TMEM268: variants seen among roughly 807,000 people sequenced by gnomAD.
The protein encoded by TMEM268 is transmembrane protein 268.
A neutral mutation model predicts 39.1 loss-of-function variants in TMEM268; 24 were observed. The ratio of observed to expected loss-of-function variants is 0.61; its 90% CI spans 0.44 to 0.86. TMEM268 has a LOEUF of 0.86. Ranked by LOEUF, TMEM268 falls within the 40% of genes least tolerant of loss-of-function variation. The pLI is 0.00. For missense variants in TMEM268, 409 were observed against 428.6 expected (o/e 0.95, Z 0.40); for synonymous variants, 176 against 173.5 (o/e 1.01, Z -0.12).
Position 114,638,662 on chromosome 9 carries a change from G to C in TMEM268, c.785G>C (p.Cys262Ser). 1 of 1,608,460 alleles carries C rather than the reference G, an allele frequency of 6.2e-7. No individual in the cohort carries two copies. Among genetic ancestry groups the C allele is most frequent in the Non-Finnish European group, 8.5e-7 (1 of 1,177,696 alleles). ...GCTCCTCTCCTGCCCGGCAATTCTT[G>C]TCCTAACGAGAGGCCACTCATGCAG... is the stretch of plus-strand genomic sequence containing the variant. ...EDAPLLPGNS[C>S]PNERPLMQTE... Residue 262 changes from cysteine to serine, a missense_variant, in exon 8 of 9, where the codon TGT (cysteine) becomes TCT (serine). Physicochemically the swap from Cys to Ser is moderately radical, Grantham distance 112. Coordinates refer to ENST00000288502, the MANE Select transcript of TMEM268 (RefSeq NM_153045.4).
At position 114,634,904 on chromosome 9, in the gene TMEM268, G is replaced by A. The variant is rs140802921; in HGVS notation, c.585+1026G>A. On this transcript the variant is annotated intron_variant, in intron 6 of 8. Coordinates refer to ENST00000288502, the MANE Select transcript of TMEM268 (RefSeq NM_153045.4). ...AAGCAGATGACATCACAAGATTCTC[G>A]GCAGTTCAAGTGTGACATTGTAGAC... Among the ~76,000 whole-genome samples, 11 of 152,240 alleles carry A rather than the reference G, an allele frequency of 7.2e-5. No homozygotes were observed. In the East Asian group the frequency reaches 1.7e-3, roughly 24 times the overall value.
At chr9:114,610,105 T>G (rs1845440630), upstream of TMEM268, among the ~76,000 whole-genome samples, 1 of 151,774 alleles carries the variant, frequency 6.6e-6, no homozygotes, top group Admixed American at 6.6e-5. Flanking sequence ...AATGGCGCAA[T>G]CTCGGCTCAC....
At chr9:114,639,415 T>C (rs1846792086) in intron 8 of TMEM268, among the ~76,000 whole-genome samples, 1 of 152,104 alleles carries the variant, frequency 6.6e-6, no homozygotes, top group African/African-American at 2.4e-5. Flanking sequence ...GCATTTCTGT[T>C]GAATTTCAGT....
At chr9:114,629,258 G>T (rs1846290347) in intron 5 of TMEM268, among the ~76,000 whole-genome samples, 1 of 152,224 alleles carries the variant, frequency 6.6e-6, no homozygotes, top group South Asian at 2.1e-4. Flanking sequence ...TTTGACATAG[G>T]TCTCACTGGA....
Position 114,632,084 on chromosome 9 carries a change from C to A in TMEM268, c.475-1684C>A, listed in dbSNP as rs960939109. 5.4e-5 allele frequency among the ~76,000 whole-genome samples: 7 copies of A among 129,964 alleles called. No individual in the cohort carries two copies. The East Asian group carries it at 1.4e-3, about 25-fold the overall frequency. The allele number at this position is 129,964 out of a possible 152,430, so 85.3% of individuals were successfully genotyped here. A position where few individuals can be genotyped will look rare whatever the true frequency, so the allele number is the denominator to read the frequency against. On this transcript the variant is annotated intron_variant, in intron 5 of 8. Transcript: ENST00000288502. ...CTGCATTCCAACCTGGGTGACAGAGCGAGACTAGGTCTCCAAAAAAAAAAA... is the reference window on the plus strand; with the variant it reads ...CTGCATTCCAACCTGGGTGACAGAGAGAGACTAGGTCTCCAAAAAAAAAAA...
chr9:114,635,679 A>C (rs77809766), intron 6 of TMEM268, among the ~76,000 whole-genome samples: 1 of 150,030 alleles, frequency 6.7e-6, no homozygotes, highest in Non-Finnish European at 1.5e-5. Flanking sequence ...ACCCTGTCTC[A>C]AAAAAAAAAG....
intron 5 of TMEM268, among the ~76,000 whole-genome samples, chr9:114,631,081 A>G (rs2133671526): frequency 6.6e-6 from 1 of 152,256 alleles, no homozygotes; most frequent in East Asian, 1.9e-4. Flanking sequence ...TGGGAGGCTC[A>G]GGTGGGAGGA....
the TMEM268 span, among the ~76,000 whole-genome samples, chr9:114,604,781 G>C: frequency 0.83 from 125,526 of 152,006 alleles, 52,329 homozygotes; most frequent in East Asian, 0.99. Flanking sequence ...TCAAGGGAAG[G>C]CCATTATGTT....
chr9:114,626,811 GC>G, intron 3 of TMEM268, 87 bp from the exon 4 acceptor site: 1 of 961,358 alleles, frequency 1.0e-6, no homozygotes. Flanking sequence ...CCCAGAATGT[GC>G]CTAATCCCCC....
intron 6 of TMEM268, among the ~76,000 whole-genome samples, chr9:114,635,285 G>A (rs1007953047): frequency 1.3e-5 from 2 of 151,926 alleles, no homozygotes; most frequent in African/African-American, 2.4e-5. Context: ...AGAGGTTGCA[G>A]TGAGCTGAGA....
At chr9:114,612,863 A>G (rs1385529788) in intron 1 of TMEM268, among the ~76,000 whole-genome samples, 1 of 152,216 alleles carries the variant, frequency 6.6e-6, no homozygotes, top group African/African-American at 2.4e-5. Flanking sequence ...AGGGCTGAGT[A>G]GGAACTTCAG....
At chr9:114,610,047 T>C (rs936035445), upstream of TMEM268, among the ~76,000 whole-genome samples, 1 of 152,000 alleles carries the variant, frequency 6.6e-6, no homozygotes, top group African/African-American at 2.4e-5. Context: ...TTGCAATTTT[T>C]TTTTTTTTTG....
chr9:114,613,495 A>C (rs1845586379), intron 1 of TMEM268, among the ~76,000 whole-genome samples: 1 of 152,252 alleles, frequency 6.6e-6, no homozygotes, highest in South Asian at 2.1e-4. Flanking sequence ...AGAGATGATC[A>C]AATGAAGGAG....
chr9:114,627,452 A>T (rs1161917777), intron 4 of TMEM268, among the ~76,000 whole-genome samples: 1 of 152,214 alleles, frequency 6.6e-6, no homozygotes, highest in Non-Finnish European at 1.5e-5. Context: ...TCATATTGAT[A>T]CATATAAACA....
Position 114,616,015 on chromosome 9 carries a change from T to C in TMEM268, c.-78-1103T>C, listed in dbSNP as rs1438708153. Among the ~76,000 whole-genome samples, 3 of 146,294 alleles carry C rather than the reference T, an allele frequency of 2.1e-5. No homozygotes were observed. The East Asian group carries it at 6.2e-4, about 30-fold the overall frequency. On this transcript the variant is annotated intron_variant, in intron 1 of 8. Coordinates refer to ENST00000288502, the MANE Select transcript of TMEM268 (RefSeq NM_153045.4). ...CCTACTTTTCTTTTTCTTTTTTCTT[T>C]TCTTTTTTTTTTTTTTTTGAGACGG...
At position 114,643,227 on chromosome 9, in the gene TMEM268, A is replaced by G. The variant is rs779081476; in HGVS notation, c.943A>G (p.Thr315Ala). Residue 315 changes from threonine (T) to alanine (A), a missense_variant, in exon 9 of 9, where the codon ACG (threonine) becomes GCG (alanine). Physicochemically the swap from Thr to Ala is moderately conservative, Grantham distance 58 (BLOSUM62 0). Coordinates refer to ENST00000288502, the MANE Select transcript of TMEM268 (RefSeq NM_153045.4). ...CCCTCAGGCAATGGGGACACGACAC[A>G]CGAACTCTCCGAGAATTCCATGCCC... ...QLPQAMGTRH[T>A]NSPRIPCPCQ... The G allele has an allele frequency of 6.2e-6, 10 of 1,614,106 alleles. No homozygotes were observed. The highest frequency in any genetic ancestry group is 8.5e-6 in the Non-Finnish European group (10 of 1,180,000).
intron 8 of TMEM268, among the ~76,000 whole-genome samples, chr9:114,641,773 T>A (rs896209077): frequency 6.6e-6 from 1 of 152,146 alleles, no homozygotes; most frequent in African/African-American, 2.4e-5. Flanking sequence ...ATAGCTGGGA[T>A]TACAGGCATG....
At chr9:114,632,200 C>G (rs1846432955) in intron 5 of TMEM268, among the ~76,000 whole-genome samples, 1 of 151,420 alleles carries the variant, frequency 6.6e-6, no homozygotes, top group Non-Finnish European at 1.5e-5. Flanking sequence ...TGCATGTATG[C>G]TCAGTGGGAC....
chr9:114,613,162 C>G (rs1845571389), intron 1 of TMEM268, among the ~76,000 whole-genome samples: 1 of 152,148 alleles, frequency 6.6e-6, no homozygotes, highest in South Asian at 2.1e-4. Flanking sequence ...TTAGCTATTA[C>G]AGGAAACAGC....
Sources: gnomAD v4.1 joint callset for allele counts (sites outside exome capture counted in the v4.1 genomes callset) on GRCh38, gnomAD v4.1.1 for gene constraint, MANE v1.5 for transcripts, NCBI Gene and HGNC (gene_info 2026-07-23, HGNC 2026-07-21) for gene names.